FHOD3: variants seen among roughly 807,000 people sequenced by gnomAD.
FHOD3 encodes FH1/FH2 domain-containing protein 3.
A neutral mutation model predicts 173.0 loss-of-function variants in FHOD3; 90 were observed. The observed-to-expected ratio is 0.52, with a 90% CI of 0.44 to 0.62. FHOD3 has a LOEUF of 0.62. Among genes scored for constraint, FHOD3 ranks in the 20% least tolerant of loss-of-function variants. The pLI is 0.00. For synonymous variants in FHOD3, 828 were observed against 823.0 expected (o/e 1.01, Z -0.10); for missense variants, 1,945 against 2,034.7 (o/e 0.96, Z 0.85).
chr18:36,684,840 T>C (rs1040169683), intron 15 of FHOD3, among the ~76,000 whole-genome samples: 22 of 152,186 alleles, frequency 1.4e-4, no homozygotes, highest in African/African-American at 5.1e-4. Flanking sequence ...TGTCACTCTT[T>C]TGCCGAGGCT....
intron 8 of FHOD3, among the ~76,000 whole-genome samples, chr18:36,603,500 TA>T (rs1398790694): frequency 7.3e-5 from 11 of 150,868 alleles, no homozygotes; most frequent in Non-Finnish European, 8.8e-5. Context: ...ATAATAATAA[TA>T]ATATATTATT....
chr18:36,615,115 G>T (rs1184117162), intron 9 of FHOD3, among the ~76,000 whole-genome samples: 2 of 152,092 alleles, frequency 1.3e-5, no homozygotes, highest in Non-Finnish European at 2.9e-5. Context: ...CTCCCAAAGT[G>T]TTGGGATTAA....
In FHOD3 at chr18:36,593,580, C is replaced by G. The variant is rs1015900141; in HGVS notation, c.607-1207C>G. ...TAAATTCTACCCATGTCCCCTAACA[C>G]TGTGATGTGGGCAGATGTGTCTGAG... On this transcript the variant is annotated intron_variant, in intron 6 of 28. Coordinates refer to ENST00000590592, the MANE Select transcript of FHOD3 (RefSeq NM_001281740.3). Among the ~76,000 whole-genome samples, 14 of 152,294 alleles carry G rather than the reference C, an allele frequency of 9.2e-5. No homozygotes were observed. In the Middle Eastern group the frequency reaches 0.01, roughly 111 times the overall value.
intron 3 of FHOD3, among the ~76,000 whole-genome samples, chr18:36,384,269 A>G (rs1470764310): frequency 1.3e-5 from 2 of 152,044 alleles, no homozygotes; most frequent in African/African-American, 4.8e-5. Context: ...AGTCCTAGCT[A>G]CTTGGGAGGC....
At chr18:36,415,316 T>G (rs1795058902) in intron 3 of FHOD3, among the ~76,000 whole-genome samples, 1 of 152,230 alleles carries the variant, frequency 6.6e-6, no homozygotes, top group South Asian at 2.1e-4. Flanking sequence ...GTCAGGTTTA[T>G]GATCTCATTT....
At chr18:36,372,561 C>A (rs571169957) in intron 2 of FHOD3, 119 bp from the exon 3 acceptor site, 9 of 684,362 alleles carry the variant, frequency 1.3e-5, no homozygotes, top group Admixed American at 9.8e-5. Context: ...CAGTGTGGGT[C>A]TCTGCTTCTC....
intron 3 of FHOD3, among the ~76,000 whole-genome samples, chr18:36,409,255 C>G (rs1421465687): frequency 6.6e-6 from 1 of 152,168 alleles, no homozygotes; most frequent in Non-Finnish European, 1.5e-5. Context: ...AGCTGCTGGT[C>G]TGAAGCATGC....
chr18:36,368,987 TA>T lies in FHOD3; in HGVS notation c.273-3692del, dbSNP rs556308065. The stretch of plus-strand genomic sequence containing the variant: ...AAAGCCTAACCCTATCACTACGTCA[TA>T]GAAATTTTCTGAATACTAAATCTGT... On this transcript the variant is annotated intron_variant, in intron 2 of 28. Transcript: ENST00000590592. Among the ~76,000 whole-genome samples, 57 of 152,236 alleles carry T rather than the reference TA, an allele frequency of 3.7e-4. No homozygotes were observed. In the South Asian group the frequency reaches 5.2e-3, roughly 14 times the overall value.
intron 28 of FHOD3, among the ~76,000 whole-genome samples, chr18:36,776,879 G>C (rs1271975238): frequency 6.6e-6 from 1 of 152,204 alleles, no homozygotes; most frequent in Non-Finnish European, 1.5e-5. Context: ...GCCTGTCCCA[G>C]ATAGGCTGGC....
rs202189348 is a variant in FHOD3 at position 36,551,472 on chromosome 18, TTTAA to T, written c.512-24968_512-24965del. 3.3e-3 allele frequency among the ~76,000 whole-genome samples: 503 copies of T among 152,104 alleles called. 2 individuals carry two copies. The highest frequency in any genetic ancestry group is 9.5e-3 in the African/African-American group (394 of 41,498). On this transcript the variant is annotated intron_variant, in intron 5 of 28. Transcript: ENST00000590592. ...TCTTTAATTTAATTTGATTAATTTATTTAATTAATTAATTTAATTAATTGATTTA... is the reference window on the plus strand; with the variant it reads ...TCTTTAATTTAATTTGATTAATTTATTTAATTAATTTAATTAATTGATTTA...
chr18:36,456,648 G>A (rs1339932476), intron 3 of FHOD3, among the ~76,000 whole-genome samples: 1 of 152,052 alleles, frequency 6.6e-6, no homozygotes, highest in African/African-American at 2.4e-5. Context: ...TCCAGCCTGT[G>A]TGTCCCCCAC....
intron 17 of FHOD3, among the ~76,000 whole-genome samples, chr18:36,702,061 T>C (rs747629688): frequency 6.6e-6 from 1 of 152,172 alleles, no homozygotes; most frequent in African/African-American, 2.4e-5. Context: ...GAGGCTTGAG[T>C]AGAATTTCTT....
At chr18:36,551,234 C>T (rs1011951527) in intron 5 of FHOD3, among the ~76,000 whole-genome samples, 2 of 152,076 alleles carry the variant, frequency 1.3e-5, no homozygotes, top group Non-Finnish European at 2.9e-5. Flanking sequence ...GTAAACTGTA[C>T]CTGGTCACAT....
intron 28 of FHOD3, among the ~76,000 whole-genome samples, chr18:36,776,710 C>T (rs2043681249): frequency 6.6e-6 from 1 of 152,180 alleles, no homozygotes; most frequent in South Asian, 2.1e-4. Flanking sequence ...TGGCTTTTCC[C>T]TCACAGCAGA....
chr18:36,388,620 C>T (rs1183256637), intron 3 of FHOD3, among the ~76,000 whole-genome samples: 1 of 152,164 alleles, frequency 6.6e-6, no homozygotes, highest in Non-Finnish European at 1.5e-5. Context: ...GCAGATCCAT[C>T]CCCAGGGTCT....
Position 36,301,387 on chromosome 18 carries a change from T to A in FHOD3, c.165+3387T>A, listed in dbSNP as rs1262917588. Among the ~76,000 whole-genome samples the A allele has an allele frequency of 2.0e-5, 3 of 152,258 alleles. No homozygotes were observed. In the East Asian group the frequency reaches 5.8e-4, roughly 29 times the overall value. On this transcript the variant is annotated intron_variant, in intron 1 of 28. Transcript: ENST00000590592. ...TGCAAAAATAAGAGATTGTGCTTATTATGCTTTATCATTTTTTATTTCTTA... is the reference window on the plus strand; with the variant it reads ...TGCAAAAATAAGAGATTGTGCTTATAATGCTTTATCATTTTTTATTTCTTA...
chr18:36,469,012 T>G (rs1422381599), intron 3 of FHOD3, among the ~76,000 whole-genome samples: 2 of 152,134 alleles, frequency 1.3e-5, no homozygotes, highest in African/African-American at 2.4e-5. Context: ...AGTTTCAAAT[T>G]ATGACAAGAG....
chr18:36,454,357 A>C (rs193300821), intron 3 of FHOD3, among the ~76,000 whole-genome samples: 127 of 152,228 alleles, frequency 8.3e-4, no homozygotes, highest in Middle Eastern at 3.4e-3. Context: ...ACAGAAGCAC[A>C]CACATGAGCG....
chr18:36,434,326 C>T (rs920629444), intron 3 of FHOD3, among the ~76,000 whole-genome samples: 3 of 152,092 alleles, frequency 2.0e-5, no homozygotes, highest in Non-Finnish European at 4.4e-5. Flanking sequence ...CTATCTTTTC[C>T]TGTTGATTTA....
Sources: allele counts gnomAD v4.1 joint callset (sites outside exome capture counted in the v4.1 genomes callset), GRCh38; gene constraint gnomAD v4.1.1; transcripts MANE v1.5; gene names NCBI Gene and HGNC (gene_info 2026-07-23, HGNC 2026-07-21).